The following DOC2B variants were observed in gnomAD, a reference collection of about 807,000 sequenced individuals.
DOC2B encodes double C2 domain beta.
Under a neutral mutation model 28.9 loss-of-function variants are expected in DOC2B, and 21 were observed. The observed-to-expected ratio is 0.73, with a 90% CI of 0.52 to 1.05. DOC2B has a LOEUF of 1.05. DOC2B is among the 50% of genes least tolerant of loss of function. The pLI is 0.00. For missense variants in DOC2B, 384 were observed against 421.1 expected (o/e 0.91, Z 0.77); for synonymous variants, 194 against 178.1 (o/e 1.09, Z -0.71).
At chr17:178,972 T>C (rs1411975855) in intron 1 of DOC2B, among the ~76,000 whole-genome samples, 1 of 152,200 alleles carries the variant, frequency 6.6e-6, no homozygotes, top group Non-Finnish European at 1.5e-5. Context: ...TCCCCCACCA[T>C]GGACAAGAGC....
At chr17:179,135 C>T (rs1403474987) in intron 1 of DOC2B, among the ~76,000 whole-genome samples, 1 of 152,254 alleles carries the variant, frequency 6.6e-6, no homozygotes. Context: ...AGCCCGTCTT[C>T]AGCATTTCTT....
chr17:158,471 G>A (rs1437815090), intron 5 of DOC2B, among the ~76,000 whole-genome samples: 2 of 152,184 alleles, frequency 1.3e-5, no homozygotes, highest in African/African-American at 2.4e-5. Flanking sequence ...CCTGTGAGGT[G>A]AGCAGGGATG....
chr17:159,040 A>AT (rs1229780080), intron 5 of DOC2B, among the ~76,000 whole-genome samples: 92 of 60,066 alleles, frequency 1.5e-3, no homozygotes, highest in African/African-American at 4.4e-3. Flanking sequence ...ACTCCATCTC[A>AT]TAAAAAAAAA....
At chr17:172,893 T>C (rs551134560) in intron 1 of DOC2B, among the ~76,000 whole-genome samples, 29 of 152,318 alleles carry the variant, frequency 1.9e-4, no homozygotes, top group African/African-American at 6.7e-4. Flanking sequence ...CAGTGTGTGG[T>C]CCACCTGAGC....
intron 1 of DOC2B, among the ~76,000 whole-genome samples, chr17:173,210 G>C (rs1479185549): frequency 6.6e-6 from 1 of 152,168 alleles, no homozygotes; most frequent in Non-Finnish European, 1.5e-5. Flanking sequence ...ACTCCCAAAA[G>C]CCGGGGGGAG....
At position 156,350 on chromosome 17, in the gene DOC2B, C is replaced by T; in HGVS notation, c.793G>A (p.Glu265Lys). 1 of 1,551,480 alleles carries T rather than the reference C, an allele frequency of 6.4e-7. No individual in the cohort carries two copies. Among genetic ancestry groups the T allele is most frequent in the South Asian group, 1.2e-5 (1 of 84,070 alleles). The change falls in exon 6 of 9, where the codon GAG becomes AAG. Residue 265 changes from glutamate (E) to lysine (K), a missense_variant. Transcript: ENST00000613549. ...PVDKTEDKSL[E>K]ERGRILISLK... Reference sequence around the variant, plus strand: ...GAGATGAGGATGCGGCCCCGCTCCTCCAGGGACTTGTCTTCAGTCTTGTCC... The same window carrying T: ...GAGATGAGGATGCGGCCCCGCTCCTTCAGGGACTTGTCTTCAGTCTTGTCC...
chr17:178,939 G>A (rs1180203816), intron 1 of DOC2B, among the ~76,000 whole-genome samples: 1 of 152,234 alleles, frequency 6.6e-6, no homozygotes, highest in Non-Finnish European at 1.5e-5. Flanking sequence ...CTGGGTGGAA[G>A]GCAGTCCCAC....
chr17:172,019 G>T (rs1359638846), intron 2 of DOC2B, among the ~76,000 whole-genome samples: 3 of 151,982 alleles, frequency 2.0e-5, no homozygotes, highest in Non-Finnish European at 4.4e-5. Flanking sequence ...CTGCAGAGGG[G>T]TCCACAGGCA....
intron 1 of DOC2B, among the ~76,000 whole-genome samples, chr17:176,106 C>T (rs2040367108): frequency 6.6e-6 from 1 of 152,150 alleles, no homozygotes; most frequent in Admixed American, 6.5e-5. Context: ...AGGGGAGCTG[C>T]TCAGCGTGGC....
intron 2 of DOC2B, among the ~76,000 whole-genome samples, chr17:169,896 C>T (rs1217814422): frequency 6.6e-6 from 1 of 152,152 alleles, no homozygotes; most frequent in Non-Finnish European, 1.5e-5. Flanking sequence ...ACTTCTGATA[C>T]CTGAGGGATA....
chr17:164,285 G>C, intron 2 of DOC2B, 81 bp from the exon 3 acceptor site: 1 of 1,131,646 alleles, frequency 8.8e-7, no homozygotes, highest in Non-Finnish European at 1.3e-6. Flanking sequence ...CTTGTCCCCT[G>C]GGTCTCCTGG....
chr17:156,409 C>T (rs1555522551), intron 5 of DOC2B, 32 bp from the exon 6 acceptor site: 1 of 1,546,946 alleles, frequency 6.5e-7, no homozygotes, highest in South Asian at 1.2e-5. Context: ...CAGTCCTCAC[C>T]TGCTCCCACC....
chr17:173,213 G>A (rs191208714), intron 1 of DOC2B, among the ~76,000 whole-genome samples: 298 of 152,256 alleles, frequency 2.0e-3, no homozygotes, highest in Non-Finnish European at 3.1e-3. Flanking sequence ...CCCAAAAGCC[G>A]GGGGGAGGGT....
chr17:147,689 G>C (rs905338045), intron 8 of DOC2B, 112 bp from the exon 9 acceptor site: 2 of 398,138 alleles, frequency 5.0e-6, no homozygotes, highest in Non-Finnish European at 8.9e-6. Flanking sequence ...CCCACTGCCC[G>C]CTGGGTTCTG....
chr17:148,821 CACACAGA>C lies in DOC2B; in HGVS notation c.1005+283_1005+289del, dbSNP rs1179082265. 4.6e-5 allele frequency among the ~76,000 whole-genome samples: 7 copies of C among 152,238 alleles called. No individual in the cohort carries two copies. In the East Asian group the frequency reaches 1.4e-3, roughly 29 times the overall value. On this transcript the variant is annotated intron_variant, in intron 7 of 8. Transcript: ENST00000613549. ...CAGGGTGTCTCGAGTCCCCTTGCCC[CACACAGA>C]GTTTCTCCCCATCTTCCTCACCCCC...
At chr17:158,920 C>CCT (rs1555522906) in intron 5 of DOC2B, among the ~76,000 whole-genome samples, 29 of 149,052 alleles carry the variant, frequency 1.9e-4, no homozygotes, top group African/African-American at 7.0e-4. Flanking sequence ...TGGCGCATGC[C>CCT]TGTAATCCCA....
rs1481337694 is a variant in DOC2B at position 147,551 on chromosome 17, T to C, written c.1129A>G (p.Lys377Glu). 2 of 398,826 alleles carry C rather than the reference T, an allele frequency of 5.0e-6. No individual in the cohort carries two copies. The highest frequency in any genetic ancestry group is 8.8e-6 in the Non-Finnish European group (2 of 226,236). 24.7% of individuals were successfully genotyped at this position (398,826 alleles called of 1,614,324 possible). A position where few individuals can be genotyped will look rare whatever the true frequency, so the allele number is the denominator to read the frequency against. ...IGGVVLGIHA[K>E]GERLKHWFDC... ...AACCAGTGCTTCAGGCGCTCCCCCT[T>C]GGCGTGGATGCCCAGAACCACACCA... The change falls in exon 9 of 9, where the codon AAG becomes GAG. Residue 377 changes from lysine to glutamate, a missense_variant. By Grantham distance (56) the Lys-to-Glu change is moderately conservative. Coordinates refer to ENST00000613549, the MANE Select transcript of DOC2B (RefSeq NM_003585.5).
At chr17:159,917 C>A (rs533569303) in intron 5 of DOC2B, among the ~76,000 whole-genome samples, 1 of 149,432 alleles carries the variant, frequency 6.7e-6, no homozygotes, top group African/African-American at 2.4e-5. Context: ...TACATACCCA[C>A]GTGGTTGTTT....
At chr17:159,817 C>A (rs550498232) in intron 5 of DOC2B, among the ~76,000 whole-genome samples, 14 of 151,988 alleles carry the variant, frequency 9.2e-5, no homozygotes, top group African/African-American at 3.4e-4. Flanking sequence ...CATGTGGACA[C>A]ACACACTGTC....
Sources: gnomAD v4.1 joint callset for allele counts (sites outside exome capture counted in the v4.1 genomes callset) on GRCh38, gnomAD v4.1.1 for gene constraint, MANE v1.5 for transcripts, NCBI Gene and HGNC (gene_info 2026-07-23, HGNC 2026-07-21) for gene names.